The following DDAH1 variants were observed in gnomAD, a reference collection of about 807,000 sequenced individuals.
DDAH1 encodes N(G),N(G)-dimethylarginine dimethylaminohydrolase 1.
Under a neutral mutation model 28.8 loss-of-function variants are expected in DDAH1, and 19 were observed. That is an observed-to-expected ratio of 0.66 (90% CI 0.46 to 0.97). The LOEUF (loss-of-function observed/expected upper bound fraction) is 0.97, where lower values mean the gene tolerates loss of function less well. Ranked by LOEUF, DDAH1 falls within the 50% of genes least tolerant of loss-of-function variation. The probability of loss-of-function intolerance (pLI) is 0.00; values close to 1 mark genes in which losing one functional copy is unlikely to be tolerated. For missense variants in DDAH1, 326 were observed against 375.9 expected, an observed-to-expected ratio of 0.87 and a Z score of 1.10; for synonymous variants, 153 against 154.4, an observed-to-expected ratio of 0.99 and a Z score of 0.07.
intron 2 of DDAH1, chr1:85,494,211 T>C (rs1656501814): frequency 6.6e-6 from 1 of 152,156 alleles, no homozygotes; most frequent in Non-Finnish European, 1.5e-5. Flanking sequence ...ACATATAAAG[T>C]AGTGCTAGTA....
rs764413108 is a variant in DDAH1, at chr1:85,369,479, C to G, written c.304-10632G>C. Among the ~76,000 whole-genome samples the G allele has an allele frequency of 2.6e-5, 4 of 152,128 alleles. No homozygotes were observed. The East Asian group carries it at 7.7e-4, about 29-fold the overall frequency. ...TGTGACCTCTTTTAAACAACTCTTA[C>G]GACATTTCAAGGGTGGGAAGATTCA... On this transcript the variant is annotated intron_variant, in intron 1 of 5. Transcript: ENST00000284031.
At position 85,321,564 on chromosome 1, in the gene DDAH1, T is replaced by A. The variant is rs1264245971; in HGVS notation, c.746A>T (p.Tyr249Phe). The A allele has an allele frequency of 6.2e-7, 1 of 1,609,810 alleles. No homozygotes were observed. The highest frequency in any genetic ancestry group is 8.5e-7 in the Non-Finnish European group (1 of 1,176,194). ...CAGCATATGGTCCTTCAGTTTCTCA[T>A]AAACCTACAGTGGGAATCAAGGAAA... is the stretch of plus-strand genomic sequence containing the variant. ...PEEYPESAKV[Y>F]EKLKDHMLIP... Residue 249 changes from tyrosine to phenylalanine, a missense_variant, in exon 6 of 6, where the codon TAT (tyrosine) becomes TTT (phenylalanine). Physicochemically the swap from Tyr to Phe is conservative, Grantham distance 22. Transcript: ENST00000284031.
intron 1 of DDAH1, among the ~76,000 whole-genome samples, chr1:85,428,336 A>G (rs1020060335): frequency 1.3e-5 from 2 of 152,202 alleles, no homozygotes; most frequent in African/African-American, 2.4e-5. Flanking sequence ...GGCAGAAGGC[A>G]AAGAAAAGGC....
At chr1:85,564,777 T>A (rs987673913) in intron 1 of DDAH1, among the ~76,000 whole-genome samples, 4 of 147,744 alleles carry the variant, frequency 2.7e-5, no homozygotes, top group Non-Finnish European at 6.0e-5. Context: ...GGCTGAGGCA[T>A]GAGAATCACC....
chr1:85,340,968 G>A (rs1557486315), intron 4 of DDAH1, among the ~76,000 whole-genome samples: 1 of 152,144 alleles, frequency 6.6e-6, no homozygotes, highest in African/African-American at 2.4e-5. Context: ...CCACTCTTCT[G>A]TGCCAGCTAT....
intron 1 of DDAH1, among the ~76,000 whole-genome samples, chr1:85,420,886 T>A (rs1653111381): frequency 6.6e-6 from 1 of 152,210 alleles, no homozygotes; most frequent in East Asian, 1.9e-4. Flanking sequence ...GGGTAATTTA[T>A]AAAGAAAAGA....
At chr1:85,477,864 AT>A in intron 2 of DDAH1, among the ~76,000 whole-genome samples, 1 of 152,186 alleles carries the variant, frequency 6.6e-6, no homozygotes, top group South Asian at 2.1e-4. Flanking sequence ...TCTATAATTT[AT>A]TGTACAGGAA....
chr1:85,363,064 T>C (rs1649875654), intron 1 of DDAH1, among the ~76,000 whole-genome samples: 1 of 152,206 alleles, frequency 6.6e-6, no homozygotes, highest in African/African-American at 2.4e-5. Context: ...CACTGTTAGT[T>C]TAATACTCTT....
chr1:85,394,973 T>C (rs1651739037), intron 1 of DDAH1, among the ~76,000 whole-genome samples: 1 of 152,182 alleles, frequency 6.6e-6, no homozygotes, highest in African/African-American at 2.4e-5. Context: ...ATTGCTTACT[T>C]CCTAGGTTTC....
intron 4 of DDAH1, among the ~76,000 whole-genome samples, chr1:85,343,424 G>GTTGT (rs1186704701): frequency 6.6e-6 from 1 of 152,212 alleles, no homozygotes; most frequent in Non-Finnish European, 1.5e-5. Flanking sequence ...AGCATAAACA[G>GTTGT]TTGTTACAAA....
intron 1 of DDAH1, chr1:85,398,386 A>G (rs933744212): frequency 6.6e-6 from 1 of 152,196 alleles, no homozygotes; most frequent in African/African-American, 2.4e-5. Context: ...ATAGACAGAA[A>G]AATTATGTTG....
Position 85,489,809 on chromosome 1 carries a change from T to C in DDAH1, c.-7+6357A>G, listed in dbSNP as rs546635651. Reference sequence around the variant, plus strand: ...ATAAAGTTATGAACCCCTAACATAGTATTTTAGGAGACAGAATCAGATTTT... The same window carrying C: ...ATAAAGTTATGAACCCCTAACATAGCATTTTAGGAGACAGAATCAGATTTT... On this transcript the variant is annotated intron_variant, in intron 2 of 6. Coordinates refer to the DDAH1 transcript ENST00000426972. Among the ~76,000 whole-genome samples the C allele has an allele frequency of 6.6e-5, 10 of 152,324 alleles. No homozygotes were observed. In the South Asian group the frequency reaches 1.2e-3, roughly 19 times the overall value.
chr1:85,426,930 A>AG (rs1165035734), intron 1 of DDAH1, among the ~76,000 whole-genome samples: 3 of 114,662 alleles, frequency 2.6e-5, no homozygotes, highest in Admixed American at 2.5e-4. Flanking sequence ...ACAAAAAAAA[A>AG]AAAAAAAAAG....
intron 1 of DDAH1, among the ~76,000 whole-genome samples, chr1:85,504,981 T>G (rs1656962195): frequency 9.1e-6 from 1 of 109,790 alleles, no homozygotes; most frequent in African/African-American, 4.4e-5. Flanking sequence ...TTTTTTTTTT[T>G]TTTTTTTTTT....
chr1:85,386,693 C>A (rs1228500263), intron 1 of DDAH1, among the ~76,000 whole-genome samples: 1 of 152,164 alleles, frequency 6.6e-6, no homozygotes, highest in Non-Finnish European at 1.5e-5. Flanking sequence ...AGCAATACCC[C>A]AGTGGGGACT....
intron 1 of DDAH1, among the ~76,000 whole-genome samples, chr1:85,502,209 T>C (rs1409834036): frequency 6.6e-6 from 1 of 152,250 alleles, no homozygotes; most frequent in Non-Finnish European, 1.5e-5. Flanking sequence ...GTCTAATTTA[T>C]CATTGTTTCT....
At chr1:85,459,395 G>C (rs909750213) in intron 1 of DDAH1, among the ~76,000 whole-genome samples, 2 of 152,086 alleles carry the variant, frequency 1.3e-5, no homozygotes, top group Non-Finnish European at 2.9e-5. Flanking sequence ...TATTTTCAAG[G>C]CTTTCAAGAT....
intron 1 of DDAH1, among the ~76,000 whole-genome samples, chr1:85,422,987 T>C (rs548532851): frequency 1.3e-5 from 2 of 152,282 alleles, no homozygotes; most frequent in African/African-American, 4.8e-5. Context: ...AAAATTTCTG[T>C]TGTTTAAGCC....
chr1:85,513,796 C>T (rs894734949), intron 1 of DDAH1, among the ~76,000 whole-genome samples: 1 of 152,188 alleles, frequency 6.6e-6, no homozygotes, highest in Non-Finnish European at 1.5e-5. Flanking sequence ...ATCAAAACCA[C>T]AATAAGATAC....
Sources: allele counts gnomAD v4.1 joint callset (sites outside exome capture counted in the v4.1 genomes callset), GRCh38; gene constraint gnomAD v4.1.1; transcripts MANE v1.5; gene names NCBI Gene and HGNC (gene_info 2026-07-23, HGNC 2026-07-21).